The following CEP85L variants were observed in gnomAD, a reference collection of about 807,000 sequenced individuals.
CEP85L encodes the protein centrosomal protein 85L.
A neutral mutation model predicts 100.3 loss-of-function variants in CEP85L; 60 were observed. The ratio of observed to expected loss-of-function variants is 0.60; its 90% CI spans 0.49 to 0.74. The LOEUF (loss-of-function observed/expected upper bound fraction) is 0.74. CEP85L is among the 30% of genes least tolerant of loss of function. The pLI is 0.00. For synonymous variants in CEP85L, 319 were observed against 322.7 expected (o/e 0.99, Z 0.12); for missense variants, 973 against 936.2 (o/e 1.04, Z -0.51).
At chr6:118,605,826 C>T (rs1479643543) in intron 2 of CEP85L, among the ~76,000 whole-genome samples, 1 of 152,080 alleles carries the variant, frequency 6.6e-6, no homozygotes, top group Non-Finnish European at 1.5e-5. Context: ...TCCTGGCTAA[C>T]ACAGTGAAAT....
At chr6:118,501,786 T>G in intron 5 of CEP85L, 1 of 1,030,062 alleles carries the variant, frequency 9.7e-7, no homozygotes, top group Non-Finnish European at 1.5e-6. Context: ...TCTCACAGAG[T>G]GGGGAGGATG....
At chr6:118,521,945 T>C (rs1229096866) in intron 4 of CEP85L, among the ~76,000 whole-genome samples, 2 of 152,174 alleles carry the variant, frequency 1.3e-5, no homozygotes, top group African/African-American at 2.4e-5. Flanking sequence ...ATTTTCTGCA[T>C]TTTCTATTAA....
intron 2 of CEP85L, among the ~76,000 whole-genome samples, chr6:118,624,887 G>A (rs1030454748): frequency 3.3e-5 from 5 of 152,114 alleles, no homozygotes; most frequent in Non-Finnish European, 5.9e-5. Context: ...AGACCTTTCC[G>A]GGTTACAAAA....
At chr6:118,635,505 T>C (rs1774439261) in intron 1 of CEP85L, among the ~76,000 whole-genome samples, 1 of 152,212 alleles carries the variant, frequency 6.6e-6, no homozygotes, top group Admixed American at 6.5e-5. Flanking sequence ...TCATTGGTTA[T>C]TATTATTATT....
chr6:118,542,917 A>AAAAAAAAAAAAAAAC (rs758286537), intron 3 of CEP85L, among the ~76,000 whole-genome samples: 9 of 150,080 alleles, frequency 6.0e-5, no homozygotes, highest in Non-Finnish European at 1.2e-4. Flanking sequence ...AAAAAAAAAA[A>AAAAAAAAAAAAAAAC]AAAAAACAGG....
Position 118,483,812 on chromosome 6 carries a change from T to C in CEP85L, c.1484A>G (p.Gln495Arg), listed in dbSNP as rs1582884744. 6.2e-7 allele frequency: 1 copy of C among 1,613,888 alleles called. No individual in the cohort carries two copies. The highest frequency in any genetic ancestry group is 8.5e-7 in the Non-Finnish European group (1 of 1,179,890). ...RYISSLKKKC[Q>R]KESEQNKEKQ... Reference sequence around the variant, plus strand: ...TTCTTTGTTTTGTTCAGATTCCTTCTGGCATTTCTTTTTCAGACTACTGAT... The same window carrying C: ...TTCTTTGTTTTGTTCAGATTCCTTCCGGCATTTCTTTTTCAGACTACTGAT... Residue 495 changes from glutamine to arginine, a missense_variant, in exon 7 of 13, where the codon CAG becomes CGG. Transcript: ENST00000368491.
intron 3 of CEP85L, among the ~76,000 whole-genome samples, chr6:118,525,637 T>C (rs1304313463): frequency 1.3e-5 from 2 of 152,184 alleles, no homozygotes; most frequent in Non-Finnish European, 1.5e-5. Context: ...GAGAGAGGCA[T>C]GGGACAAATT....
At chr6:118,600,300 G>GGGGGGGTGTGTGTGTGTGTGTGT (rs1562297733) in intron 2 of CEP85L, among the ~76,000 whole-genome samples, 1 of 52,236 alleles carries the variant, frequency 1.9e-5, no homozygotes, top group Non-Finnish European at 4.0e-5. Context: ...CCTTCCTGGG[G>GGGGGGGTGTGTGTGTGTGTGTGT]GTGTGTGTGT....
intron 2 of CEP85L, among the ~76,000 whole-genome samples, chr6:118,619,424 G>A (rs1773292988): frequency 6.6e-6 from 1 of 152,064 alleles, no homozygotes; most frequent in African/African-American, 2.4e-5. Flanking sequence ...TTTGCCCTTC[G>A]TGACAATACT....
At chr6:118,505,845 T>C (rs766620967) in intron 5 of CEP85L, among the ~76,000 whole-genome samples, 18 of 152,132 alleles carry the variant, frequency 1.2e-4, no homozygotes, top group Non-Finnish European at 5.9e-5. Flanking sequence ...AACCCTTAGA[T>C]TGCACAACAC....
chr6:118,640,179 G>C (rs62422231), intron 1 of CEP85L, among the ~76,000 whole-genome samples: 3 of 152,042 alleles, frequency 2.0e-5, no homozygotes, highest in Non-Finnish European at 4.4e-5. Flanking sequence ...AACAAATCTG[G>C]AACTACACTG....
At chr6:118,560,351 G>A (rs1057279262) in intron 3 of CEP85L, 4 of 166,888 alleles carry the variant, frequency 2.4e-5, no homozygotes, top group Admixed American at 2.0e-4. Flanking sequence ...AAGTAAGCTA[G>A]AGAAAATGTT....
intron 5 of CEP85L, 117 bp from the exon 6 acceptor site, chr6:118,491,982 C>T (rs1582903197): frequency 3.3e-6 from 2 of 597,134 alleles, no homozygotes; most frequent in East Asian, 3.2e-5. Flanking sequence ...AACAGACACA[C>T]CTTGATTTAA....
At position 118,465,579 on chromosome 6, in the gene CEP85L, A is replaced by G. The variant is rs778564622; in HGVS notation, c.2255-11T>C. On this transcript the variant is annotated splice_polypyrimidine_tract_variant and intron_variant, in intron 12 of 12. Transcript: ENST00000368491. ...CTGAACAGTTCATTGCTGTGTAAAT[A>G]AAACATAGAGAGAATATCTCACATT... 2.5e-6 allele frequency: 4 copies of G among 1,604,302 alleles called. No individual in the cohort carries two copies. Among genetic ancestry groups the G allele is most frequent in the Non-Finnish European group, 3.4e-6 (4 of 1,176,804 alleles).
intron 2 of CEP85L, among the ~76,000 whole-genome samples, chr6:118,606,013 C>A (rs1386548814): frequency 9.4e-3 from 950 of 101,492 alleles, no homozygotes; most frequent in East Asian, 0.016. Flanking sequence ...GACTCTGTCT[C>A]AAAAAAAAAA....
intron 6 of CEP85L, among the ~76,000 whole-genome samples, chr6:118,484,177 G>A (rs1459848093): frequency 2.6e-5 from 4 of 152,226 alleles, no homozygotes; most frequent in African/African-American, 9.6e-5. Flanking sequence ...TTAGCTGGGC[G>A]TGGTGGCACG....
intron 1 of CEP85L, among the ~76,000 whole-genome samples, chr6:118,639,426 A>T (rs952520221): frequency 6.6e-6 from 1 of 152,182 alleles, no homozygotes; most frequent in South Asian, 2.1e-4. Context: ...TTCACTTTGC[A>T]ACTTCTACCT....
At chr6:118,560,716 T>C (rs1490558058) in intron 3 of CEP85L, 2 of 165,644 alleles carry the variant, frequency 1.2e-5, no homozygotes, top group Non-Finnish European at 2.9e-5. Flanking sequence ...AATTATTTTC[T>C]TGATGAATAA....
chr6:118,686,417 T>C (rs1776834870), intron 1 of CEP85L, among the ~76,000 whole-genome samples: 1 of 152,170 alleles, frequency 6.6e-6, no homozygotes, highest in Non-Finnish European at 1.5e-5. Context: ...TAATCTGCTT[T>C]CTCCATATAT....
Sources: allele counts gnomAD v4.1 joint callset (sites outside exome capture counted in the v4.1 genomes callset), GRCh38; gene constraint gnomAD v4.1.1; transcripts MANE v1.5; gene names NCBI Gene and HGNC (gene_info 2026-07-23, HGNC 2026-07-21).